Variants in NCAM1 observed in about 807,000 individuals in gnomAD.
NCAM1 encodes the protein antigen recognized by monoclonal antibody 5.1H11.
NCAM1 carries 14 observed loss-of-function variants against 109.8 expected under a neutral mutation model. The ratio of observed to expected loss-of-function variants is 0.13; its 90% CI spans 0.08 to 0.20. NCAM1 has a LOEUF of 0.20. Among genes scored for constraint, NCAM1 ranks in the 10% least tolerant of loss-of-function variants. NCAM1 has a pLI of 1.00. For missense variants in NCAM1, 774 were observed against 1,109.9 expected, an observed-to-expected ratio of 0.70 and a Z score of 4.30; for synonymous variants, 418 against 442.9, an observed-to-expected ratio of 0.94 and a Z score of 0.70.
chr11:112,962,428 G>A lies in NCAM1; in HGVS notation c.52+764G>A, dbSNP rs568238935. On this transcript the variant is annotated intron_variant, in intron 1 of 19. Coordinates refer to ENST00000316851, the MANE Select transcript of NCAM1 (RefSeq NM_181351.5). This position sits in a 1 kb window ranked among gnomAD's most constrained non-coding sequence, Gnocchi z 5.6. ...GGAGGGCGAGGAGGGCGTGATTGGG[G>A]CTGCCTGGTGTGTGCGCGCGCGTGT... Among the ~76,000 whole-genome samples the A allele has an allele frequency of 1.1e-3, 165 of 152,190 alleles. No individual in the cohort carries two copies. The highest frequency in any genetic ancestry group is 2.1e-3 in the Non-Finnish European group (141 of 67,996).
At chr11:113,173,103 A>G (rs1943041708) in intron 1 of NCAM1, among the ~76,000 whole-genome samples, 1 of 152,084 alleles carries the variant, frequency 6.6e-6, no homozygotes, top group African/African-American at 2.4e-5. Context: ...TACCCTCCCT[A>G]CACAATGCCT....
chr11:113,272,692 G>C (rs1591478723), intron 19 of NCAM1, among the ~76,000 whole-genome samples: 1 of 152,102 alleles, frequency 6.6e-6, no homozygotes, highest in East Asian at 1.9e-4. Flanking sequence ...AGCAGGGAAG[G>C]GCTAGCAGGT....
chr11:113,002,101 T>G (rs1951769255), intron 1 of NCAM1, among the ~76,000 whole-genome samples: 1 of 152,174 alleles, frequency 6.6e-6, no homozygotes, highest in African/African-American at 2.4e-5. Context: ...ATTAGTAAGC[T>G]GGGGAGATGA....
intron 1 of NCAM1, among the ~76,000 whole-genome samples, chr11:113,129,724 G>A (rs1941317965): frequency 6.6e-6 from 1 of 152,214 alleles, no homozygotes; most frequent in Non-Finnish European, 1.5e-5. Context: ...AGGCAGGAAT[G>A]TGGATTTCAA....
At chr11:112,997,288 A>G (rs1951620607) in intron 1 of NCAM1, among the ~76,000 whole-genome samples, 1 of 152,220 alleles carries the variant, frequency 6.6e-6, no homozygotes, top group South Asian at 2.1e-4. Flanking sequence ...CCAAAGTCAA[A>G]CATAAAAACT....
At chr11:113,042,861 A>G (rs1555080180) in intron 1 of NCAM1, among the ~76,000 whole-genome samples, 1 of 152,122 alleles carries the variant, frequency 6.6e-6, no homozygotes, top group African/African-American at 2.4e-5. Context: ...TAAAGCTCTC[A>G]TCCCATCCCT....
intron 1 of NCAM1, among the ~76,000 whole-genome samples, chr11:113,013,718 CTG>C (rs1555074871): frequency 1.3e-5 from 2 of 152,106 alleles, no homozygotes; most frequent in African/African-American, 4.8e-5. Flanking sequence ...TATTGCAAGA[CTG>C]TGTGTTATAT....
chr11:113,062,163 A>T (rs1254991406), intron 1 of NCAM1, among the ~76,000 whole-genome samples: 5 of 152,150 alleles, frequency 3.3e-5, no homozygotes, highest in Admixed American at 3.3e-4. Flanking sequence ...TAAATTGACA[A>T]CCTCATGCAA....
chr11:113,226,232 G>A (rs1247472424), intron 9 of NCAM1, among the ~76,000 whole-genome samples: 5 of 152,178 alleles, frequency 3.3e-5, no homozygotes, highest in African/African-American at 1.2e-4. Context: ...AGGGATGGAG[G>A]AAGATCTACC....
chr11:113,015,672 G>A (rs1952189089), intron 1 of NCAM1, among the ~76,000 whole-genome samples: 1 of 151,936 alleles, frequency 6.6e-6, no homozygotes, highest in Non-Finnish European at 1.5e-5. Context: ...GGAGGCAGAG[G>A]TTGCAGTGAG....
intron 1 of NCAM1, among the ~76,000 whole-genome samples, chr11:113,159,733 T>C (rs560417677): frequency 6.6e-6 from 1 of 152,134 alleles, no homozygotes; most frequent in Non-Finnish European, 1.5e-5. Flanking sequence ...TACTTTAAGT[T>C]TTAGGGTACA....
chr11:113,251,157 GAC>G (rs1469870314), intron 15 of NCAM1, among the ~76,000 whole-genome samples: 2 of 152,186 alleles, frequency 1.3e-5, no homozygotes, highest in African/African-American at 4.8e-5. Flanking sequence ...TCATTCAGAA[GAC>G]ACAGCTAACT....
At chr11:113,201,502 A>T (rs79273504) in intron 1 of NCAM1, among the ~76,000 whole-genome samples, 3 of 152,340 alleles carry the variant, frequency 2.0e-5, no homozygotes, top group Admixed American at 6.5e-5. Context: ...AATTCAAAGG[A>T]ATAAAGCATT....
intron 1 of NCAM1, among the ~76,000 whole-genome samples, chr11:113,187,847 CT>C (rs1555109154): frequency 6.6e-6 from 1 of 152,164 alleles, no homozygotes; most frequent in African/African-American, 2.4e-5. Flanking sequence ...AACTCTGGCC[CT>C]TTAGCAGACT....
Position 113,016,829 on chromosome 11 carries a change from CAG to C in NCAM1, c.52+55166_52+55167del, listed in dbSNP as rs1952218437. On this transcript the variant is annotated intron_variant, in intron 1 of 19. Coordinates refer to ENST00000316851, the MANE Select transcript of NCAM1 (RefSeq NM_181351.5). ...AATTTTATGAAGAGCTTAGGTGAGACAGGGGACATGTGTGAAAGCAGTCATGT... is the reference window on the plus strand; with the variant it reads ...AATTTTATGAAGAGCTTAGGTGAGACGGGACATGTGTGAAAGCAGTCATGT... Among the ~76,000 whole-genome samples the C allele has an allele frequency of 2.6e-5, 4 of 152,134 alleles. 1 individual carries two copies. Among genetic ancestry groups the C allele is most frequent in the Admixed American group, 1.3e-4 (2 of 15,278 alleles).
At chr11:113,227,701 G>A (rs1356119012) in intron 9 of NCAM1, among the ~76,000 whole-genome samples, 3 of 152,120 alleles carry the variant, frequency 2.0e-5, no homozygotes, top group Non-Finnish European at 4.4e-5. Flanking sequence ...CTGGCAAACC[G>A]AATCCAGCAA....
At chr11:113,101,643 GAAGT>G in intron 1 of NCAM1, among the ~76,000 whole-genome samples, 3 of 152,220 alleles carry the variant, frequency 2.0e-5, no homozygotes, top group South Asian at 2.1e-4. Context: ...ATGTATCAAA[GAAGT>G]AAGATTCTTC....
intron 1 of NCAM1, among the ~76,000 whole-genome samples, chr11:113,128,996 A>G (rs1393334654): frequency 6.6e-6 from 1 of 150,822 alleles, no homozygotes; most frequent in Admixed American, 6.6e-5. Context: ...TCCTTGGGGG[A>G]GATTATATAG....
chr11:113,170,602 A>C (rs1273551245), intron 1 of NCAM1, among the ~76,000 whole-genome samples: 1 of 152,180 alleles, frequency 6.6e-6, no homozygotes, highest in Non-Finnish European at 1.5e-5. Flanking sequence ...AAGTGAAGGA[A>C]GAAGAGAGTG....
Sources: gnomAD v4.1 joint callset for allele counts (sites outside exome capture counted in the v4.1 genomes callset) on GRCh38, gnomAD v4.1.1 for gene constraint, Gnocchi (gnomAD v3.1) non-coding constraint, MANE v1.5 for transcripts, NCBI Gene and HGNC (gene_info 2026-07-23, HGNC 2026-07-21) for gene names.